The following ABCC8 variants were observed in gnomAD, a reference collection of about 807,000 sequenced individuals.
The protein encoded by ABCC8 is ATP-binding cassette sub-family C member 8.
Under a neutral mutation model 188.0 loss-of-function variants are expected in ABCC8, and 137 were observed. The observed-to-expected ratio is 0.73, with a 90% CI of 0.63 to 0.84. ABCC8 has a LOEUF of 0.84. Among genes scored for constraint, ABCC8 ranks in the 40% least tolerant of loss-of-function variants. The pLI is 0.00. For missense variants in ABCC8, 1,750 were observed against 2,072.7 expected (o/e 0.84, Z 3.02); for synonymous variants, 797 against 846.5 (o/e 0.94, Z 1.01).
At chr11:17,438,427 GC>G (rs1956189790) in intron 10 of ABCC8, among the ~76,000 whole-genome samples, 1 of 152,224 alleles carries the variant, frequency 6.6e-6, no homozygotes, top group South Asian at 2.1e-4. Flanking sequence ...GACTGGGAGG[GC>G]CAGGGCCATG....
Position 17,404,147 on chromosome 11 carries a change from C to T in ABCC8, c.3557+365G>A, listed in dbSNP as rs1564888540. 6.6e-6 allele frequency among the ~76,000 whole-genome samples: 1 copy of T among 152,124 alleles called. No individual in the cohort carries two copies. The highest frequency in any genetic ancestry group is 2.1e-4 in the South Asian group (1 of 4,818). ...TCATAACACTGCTTGAATCAGGTGCCCGCCGATTTCATGCATCAGCAATCA... is the reference window on the plus strand; with the variant it reads ...TCATAACACTGCTTGAATCAGGTGCTCGCCGATTTCATGCATCAGCAATCA... On this transcript the variant is annotated intron_variant, in intron 28 of 38. Coordinates refer to ENST00000389817, the MANE Select transcript of ABCC8 (RefSeq NM_000352.6). The surrounding 1 kb of genome is among the most constrained non-coding windows in gnomAD (Gnocchi z 4.7).
rs570300117 is a variant in ABCC8 at position 17,417,311 on chromosome 11, A to G, written c.2223-349T>C. 5.3e-5 allele frequency among the ~76,000 whole-genome samples: 8 copies of G among 152,316 alleles called. No individual in the cohort carries two copies. The South Asian group carries it at 8.3e-4, about 16-fold the overall frequency. ...AATCATTTCTTATAGTGTTTTCCAAACTGTGGATAGGGACCCAATCATTGG... is the reference window on the plus strand; with the variant it reads ...AATCATTTCTTATAGTGTTTTCCAAGCTGTGGATAGGGACCCAATCATTGG... On this transcript the variant is annotated intron_variant, in intron 16 of 38. Transcript: ENST00000389817.
chr11:17,431,101 C>T, intron 11 of ABCC8, 142 bp from the exon 12 acceptor site: 1 of 1,329,716 alleles, frequency 7.5e-7, no homozygotes, highest in Non-Finnish European at 1.0e-6. Flanking sequence ...GAGACACCTT[C>T]ATCATCCCCA....
At chr11:17,419,471 G>A (rs932710007) in intron 16 of ABCC8, among the ~76,000 whole-genome samples, 7 of 152,196 alleles carry the variant, frequency 4.6e-5, no homozygotes, top group Admixed American at 3.9e-4. Flanking sequence ...ACAAAGTATC[G>A]GAGAACTTTT....
At chr11:17,461,005 C>G (rs1200016854) in intron 5 of ABCC8, 1 of 414,704 alleles carries the variant, frequency 2.4e-6, no homozygotes, top group Non-Finnish European at 4.5e-6. Context: ...GCCACCGTGT[C>G]TGCCTCAGCA....
Position 17,404,791 on chromosome 11 carries a change from T to A in ABCC8, c.3400-122A>T. The A allele has an allele frequency of 2.1e-6, 3 of 1,429,632 alleles. No individual in the cohort carries two copies. Among genetic ancestry groups the A allele is most frequent in the Non-Finnish European group, 2.9e-6 (3 of 1,050,470 alleles). 88.6% of individuals were successfully genotyped at this position (1,429,632 alleles called of 1,614,324 possible). On this transcript the variant is annotated intron_variant, in intron 27 of 38. Transcript: ENST00000389817. This position sits in a 1 kb window ranked among gnomAD's most constrained non-coding sequence, Gnocchi z 4.7. ...GATCCTTTATTTTTTTGAGACTGAG[T>A]CTCACTGTTGCCCAGACTTGAGTGC...
intron 38 of ABCC8, 129 bp downstream of exon 38, chr11:17,393,568 C>A (rs1189685775): frequency 3.5e-6 from 5 of 1,445,618 alleles, no homozygotes; most frequent in Non-Finnish European, 3.9e-6. Context: ...TTGCCCTGAA[C>A]TGCCTGCTTC....
In ABCC8 at chr11:17,395,636, G is replaced by A. The variant is rs1334003978; in HGVS notation, c.4281C>T (p.Asp1427=). ...GGATGGTGCCGCTGAAGAGGACGGGGTCCTGCAGGATGATGGAGAGGCGTG... is the reference window on the plus strand; with the variant it reads ...GGATGGTGCCGCTGAAGAGGACGGGATCCTGCAGGATGATGGAGAGGCGTG... ...LRSRLSIILQ[D]PVLFSGTIRF... The change falls in exon 35 of 39, where the codon GAC becomes GAT. Residue 1427 remains aspartate, a synonymous_variant. Coordinates refer to ENST00000389817, the MANE Select transcript of ABCC8 (RefSeq NM_000352.6). 6.4e-7 allele frequency: 1 copy of A among 1,558,336 alleles called. No individual in the cohort carries two copies. The highest frequency in any genetic ancestry group is 8.7e-7 in the Non-Finnish European group (1 of 1,151,536).
intron 31 of ABCC8, 180 bp downstream of exon 31, chr11:17,397,504 C>G: frequency 7.1e-7 from 1 of 1,409,854 alleles, no homozygotes; most frequent in South Asian, 1.3e-5. Flanking sequence ...CAACCTCCAC[C>G]TGTCTGGGGC....
intron 30 of ABCC8, 67 bp downstream of exon 30, chr11:17,398,272 A>G: frequency 6.3e-7 from 1 of 1,575,372 alleles, no homozygotes; most frequent in Non-Finnish European, 8.7e-7. Context: ...ATCCCCAGGT[A>G]CCTGTGTGCT....
At chr11:17,458,302 A>G (rs1241501809) in intron 6 of ABCC8, among the ~76,000 whole-genome samples, 1 of 152,212 alleles carries the variant, frequency 6.6e-6, no homozygotes, top group Non-Finnish European at 1.5e-5. Flanking sequence ...GAGCATTCCA[A>G]TGAGACGGTA....
In ABCC8 at chr11:17,397,193, C is replaced by A; in HGVS notation, c.3988G>T (p.Ala1330Ser). The change falls in exon 32 of 39, where the codon GCA becomes TCA. Residue 1330 changes from alanine (A) to serine (S), a missense_variant and splice_region_variant. Ala to Ser is a moderately conservative substitution (Grantham distance 99). Coordinates refer to ENST00000389817, the MANE Select transcript of ABCC8 (RefSeq NM_000352.6). ...TEAESYEGLL[A>S]PSLIPKNWPD... ...CCACCCCTCTCCCTGAGCCTCTCAC[C>A]CAGGAGCCCCTCGTAGCTCTCTGCC... is the stretch of plus-strand genomic sequence containing the variant. The A allele has an allele frequency of 6.2e-7, 1 of 1,613,692 alleles. No homozygotes were observed. Among genetic ancestry groups the A allele is most frequent in the Non-Finnish European group, 8.5e-7 (1 of 1,180,000 alleles).
In ABCC8 at chr11:17,443,211, G is replaced by A. The variant is rs200303681; in HGVS notation, c.1434C>T (p.Ala478=). The A allele has an allele frequency of 1.9e-5, 30 of 1,614,178 alleles. No homozygotes were observed. The highest frequency in any genetic ancestry group is 2.5e-5 in the Non-Finnish European group (30 of 1,180,032). Residue 478 remains alanine, a synonymous_variant, in exon 9 of 39, where the codon GCC becomes GCT. Coordinates refer to ENST00000389817, the MANE Select transcript of ABCC8 (RefSeq NM_000352.6). ...TCCGCTGGGCCTGAGACAGCTTGGT[G>A]GCCACGAAGTACTGGACAGGAGCCA... ...ILLAPVQYFV[A]TKLSQAQRST...
intron 10 of ABCC8, chr11:17,436,164 C>A: frequency 1.3e-6 from 1 of 746,264 alleles, no homozygotes; most frequent in Non-Finnish European, 2.5e-6. Flanking sequence ...CAACATGTCT[C>A]AGCAAGAGCA....
chr11:17,431,688 A>G (rs1955856028), intron 11 of ABCC8, among the ~76,000 whole-genome samples: 1 of 152,244 alleles, frequency 6.6e-6, no homozygotes, highest in South Asian at 2.1e-4. Context: ...CCACCATCAT[A>G]ATATTCAGTG....
At chr11:17,457,914 G>A (rs1195956621) in intron 6 of ABCC8, among the ~76,000 whole-genome samples, 1 of 152,176 alleles carries the variant, frequency 6.6e-6, no homozygotes, top group Non-Finnish European at 1.5e-5. Flanking sequence ...CCCAGACTGT[G>A]AAACACTGCA....
chr11:17,453,359 A>G lies in ABCC8; in HGVS notation c.1012-76T>C, dbSNP rs1426614738. On this transcript the variant is annotated intron_variant, in intron 6 of 38. Coordinates refer to ENST00000389817, the MANE Select transcript of ABCC8 (RefSeq NM_000352.6). ...ACCGTAGAACACATCACTGTGCCAT[A>G]ATGGACCACGGCCATCATTATTACA... 3.2e-6 allele frequency: 5 copies of G among 1,584,418 alleles called. No individual in the cohort carries two copies. In the East Asian group the frequency reaches 6.8e-5, roughly 22 times the overall value.
intron 16 of ABCC8, 69 bp downstream of exon 16, chr11:17,426,980 A>G: frequency 6.4e-7 from 1 of 1,567,222 alleles, no homozygotes; most frequent in Non-Finnish European, 8.7e-7. Context: ...ATGTGTGTGC[A>G]TCCTCAACTG....
intron 5 of ABCC8, chr11:17,461,019 G>C (rs983360357): frequency 7.6e-6 from 3 of 393,050 alleles, no homozygotes; most frequent in Non-Finnish European, 1.4e-5. Flanking sequence ...CTCAGCAACT[G>C]CCCTGGTGCG....
Sources: allele counts gnomAD v4.1 joint callset (sites outside exome capture counted in the v4.1 genomes callset), GRCh38; gene constraint gnomAD v4.1.1; non-coding constraint Gnocchi (gnomAD v3.1); transcripts MANE v1.5; gene names NCBI Gene and HGNC (gene_info 2026-07-23, HGNC 2026-07-21).